The following SPECC1L variants were observed in gnomAD, a reference collection of about 807,000 sequenced individuals.
SPECC1L encodes the protein sperm antigen with calponin homology and coiled-coil domains 1 like, also known as cytospin-A.
In SPECC1L, 40 loss-of-function variants were observed where a neutral mutation model predicts 116.8. The ratio of observed to expected loss-of-function variants is 0.34; its 90% CI spans 0.27 to 0.45. The LOEUF (loss-of-function observed/expected upper bound fraction) is 0.45, where lower values mean the gene tolerates loss of function less well. Ranked by LOEUF, SPECC1L falls within the 20% of genes least tolerant of loss-of-function variation. SPECC1L has a pLI of 1.00. For missense variants in SPECC1L, 1,110 were observed against 1,373.6 expected (o/e 0.81, Z 3.03); for synonymous variants, 504 against 500.6 (o/e 1.01, Z -0.09).
At chr22:24,395,116 C>G (rs762244182) in intron 14 of SPECC1L, among the ~76,000 whole-genome samples, 8 of 152,218 alleles carry the variant, frequency 5.3e-5, no homozygotes, top group African/African-American at 1.9e-4. Flanking sequence ...GCATGAGCCA[C>G]AGCGCCTGGC....
intron 1 of SPECC1L, among the ~76,000 whole-genome samples, chr22:24,272,115 T>A (rs1601471382): frequency 6.6e-6 from 1 of 152,232 alleles, no homozygotes; most frequent in African/African-American, 2.4e-5. Flanking sequence ...GCGCGGTGCC[T>A]CATGCCTGTA....
intron 14 of SPECC1L, among the ~76,000 whole-genome samples, chr22:24,375,733 C>G (rs1393139852): frequency 6.6e-6 from 1 of 152,104 alleles, no homozygotes; most frequent in East Asian, 1.9e-4. Context: ...GGCGGGTGAT[C>G]AGTTGAGGCC....
intron 2 of SPECC1L, among the ~76,000 whole-genome samples, chr22:24,292,776 C>T (rs2146371552): frequency 6.6e-6 from 1 of 152,224 alleles, no homozygotes; most frequent in East Asian, 1.9e-4. Flanking sequence ...GTCCAACTTC[C>T]TTTTTATTGT....
Position 24,395,795 on chromosome 22 carries a change from C to T in SPECC1L, c.3088-15793C>T, listed in dbSNP as rs9608281. On this transcript the variant is annotated intron_variant, in intron 14 of 16. Coordinates refer to ENST00000314328, the MANE Select transcript of SPECC1L (RefSeq NM_015330.6). ...TGGGATCAACAGGCATGCACCACCA[C>T]GTCTGGCTAATTTTTTTGCATTTTT... Among the ~76,000 whole-genome samples, 1,445 of 152,244 alleles carry T rather than the reference C, an allele frequency of 9.5e-3. 10 individuals carry two copies. Among genetic ancestry groups the T allele is most frequent in the Middle Eastern group, 0.024 (7 of 294 alleles).
At chr22:24,274,494 T>C (rs1162436023) in intron 1 of SPECC1L, among the ~76,000 whole-genome samples, 4 of 152,202 alleles carry the variant, frequency 2.6e-5, no homozygotes, top group Admixed American at 2.0e-4. Context: ...AGAATAGTAG[T>C]TTTTACATTC....
At chr22:24,314,584 C>T (rs1449386543) in intron 4 of SPECC1L, among the ~76,000 whole-genome samples, 2 of 152,108 alleles carry the variant, frequency 1.3e-5, no homozygotes, top group Non-Finnish European at 2.9e-5. Context: ...ATGGGTTTAT[C>T]CTGATTCTTG....
intron 2 of SPECC1L, among the ~76,000 whole-genome samples, chr22:24,283,834 T>G (rs1318942388): frequency 1.3e-5 from 2 of 152,202 alleles, no homozygotes; most frequent in East Asian, 3.8e-4. Flanking sequence ...TATGATAGTT[T>G]GTCTTTCAAG....
chr22:24,276,982 C>A (rs1229570672), intron 2 of SPECC1L, among the ~76,000 whole-genome samples, 179 bp downstream of exon 2: 1 of 152,146 alleles, frequency 6.6e-6, no homozygotes, highest in Non-Finnish European at 1.5e-5. Flanking sequence ...GGGGTAGAGC[C>A]AATTTTAAAT....
intron 14 of SPECC1L, among the ~76,000 whole-genome samples, chr22:24,397,068 A>G (rs1172563241): frequency 6.6e-6 from 1 of 152,138 alleles, no homozygotes; most frequent in African/African-American, 2.4e-5. Flanking sequence ...TTATTGCACT[A>G]AAGGAAAAAG....
At chr22:24,412,805 G>A in intron 16 of SPECC1L, 98 bp downstream of exon 16, 3 of 1,350,308 alleles carry the variant, frequency 2.2e-6, no homozygotes, top group Admixed American at 1.7e-5. Context: ...ATGGGGTAGT[G>A]TGGCTGCCTG....
chr22:24,363,730 G>A (rs2041691197), intron 12 of SPECC1L, among the ~76,000 whole-genome samples: 1 of 151,968 alleles, frequency 6.6e-6, no homozygotes, highest in Non-Finnish European at 1.5e-5. Flanking sequence ...AATTGACATT[G>A]AACGAAAAAG....
chr22:24,284,527 C>T (rs557496176), intron 2 of SPECC1L, among the ~76,000 whole-genome samples: 39 of 152,092 alleles, frequency 2.6e-4, no homozygotes, highest in Non-Finnish European at 4.4e-4. Context: ...CTCTGCCTCC[C>T]GGGTTCATGC....
rs2146442657 is a variant in SPECC1L at position 24,313,457 on chromosome 22, A to T, written c.298A>T (p.Ile100Phe). The change falls in exon 4 of 17, where the codon ATT becomes TTT. Residue 100 changes from isoleucine to phenylalanine, a missense_variant. Physicochemically the swap from Ile to Phe is conservative, Grantham distance 21. Transcript: ENST00000314328. ...GACCACCGTGGAGAACAAATCCAAGATTAGCACAGGTAACGGTGACATTCA... is the reference window on the plus strand; with the variant it reads ...GACCACCGTGGAGAACAAATCCAAGTTTAGCACAGGTAACGGTGACATTCA... ...AMTTVENKSKISTGTASSTKR... is the reference protein window; with the variant it reads ...AMTTVENKSKFSTGTASSTKR... The T allele has an allele frequency of 6.2e-7, 1 of 1,614,058 alleles. No homozygotes were observed.
intron 4 of SPECC1L, among the ~76,000 whole-genome samples, chr22:24,319,493 G>A (rs1239268347): frequency 6.6e-6 from 1 of 152,210 alleles, no homozygotes; most frequent in Non-Finnish European, 1.5e-5. Context: ...TTTGGGTGGG[G>A]ACACAGCCAA....
intron 16 of SPECC1L, among the ~76,000 whole-genome samples, chr22:24,412,919 G>T (rs1258392238): frequency 1.7e-5 from 1 of 58,372 alleles, no homozygotes; most frequent in South Asian, 4.1e-4. Flanking sequence ...TTTATCTCAC[G>T]TGAAACACCC....
intron 14 of SPECC1L, among the ~76,000 whole-genome samples, chr22:24,383,841 T>G (rs6004144): frequency 1.1e-3 from 140 of 122,608 alleles, no homozygotes; most frequent in African/African-American, 4.0e-3. Context: ...TTAGTAGAGA[T>G]GGGGTTTTGC....
chr22:24,274,333 G>T (rs2048789308), intron 1 of SPECC1L, among the ~76,000 whole-genome samples: 1 of 152,210 alleles, frequency 6.6e-6, no homozygotes, highest in Non-Finnish European at 1.5e-5. Context: ...CCCTGTGTCT[G>T]TGAAGCCTTT....
At chr22:24,273,836 G>A (rs779825605) in intron 1 of SPECC1L, among the ~76,000 whole-genome samples, 2 of 152,178 alleles carry the variant, frequency 1.3e-5, no homozygotes, top group African/African-American at 4.8e-5. Flanking sequence ...TCCGCTCACC[G>A]CAACCTACGC....
chr22:24,352,060 G>T (rs912591725), intron 11 of SPECC1L, among the ~76,000 whole-genome samples: 2 of 151,670 alleles, frequency 1.3e-5, no homozygotes, highest in Admixed American at 6.6e-5. Context: ...TTAGCATCAT[G>T]CACTTGCAGG....
Sources: allele counts gnomAD v4.1 joint callset (sites outside exome capture counted in the v4.1 genomes callset), GRCh38; gene constraint gnomAD v4.1.1; transcripts MANE v1.5; gene names NCBI Gene and HGNC (gene_info 2026-07-23, HGNC 2026-07-21).